SPTLC1: variants seen among roughly 807,000 people sequenced by gnomAD.
SPTLC1 encodes serine palmitoyltransferase long chain base subunit 1, also known as serine palmitoyltransferase 1.
A neutral mutation model predicts 68.9 loss-of-function variants in SPTLC1; 55 were observed. The ratio of observed to expected loss-of-function variants is 0.80; its 90% CI spans 0.64 to 1.00. The LOEUF is 1.00. Ranked by LOEUF, SPTLC1 falls within the 50% of genes least tolerant of loss-of-function variation. The probability of loss-of-function intolerance (pLI) is 0.00; values close to 1 mark genes in which losing one functional copy is unlikely to be tolerated. For synonymous variants in SPTLC1, 197 were observed against 201.6 expected (o/e 0.98, Z 0.19); for missense variants, 449 against 573.1 (o/e 0.78, Z 2.21).
intron 10 of SPTLC1, 48 bp from the exon 11 acceptor site, chr9:92,047,316 G>T: frequency 6.6e-7 from 1 of 1,515,436 alleles, no homozygotes; most frequent in South Asian, 1.1e-5. Flanking sequence ...GTCCTTTCTA[G>T]GTAAACATTT....
intron 3 of SPTLC1, among the ~76,000 whole-genome samples, chr9:92,097,825 T>C (rs1835585753): frequency 6.6e-6 from 1 of 152,236 alleles, no homozygotes; most frequent in African/African-American, 2.4e-5. Context: ...GTATATAGAT[T>C]ACGTATCAAT....
At chr9:92,049,244 G>A (rs1240147183) in intron 9 of SPTLC1, among the ~76,000 whole-genome samples, 1 of 152,196 alleles carries the variant, frequency 6.6e-6, no homozygotes, top group Admixed American at 6.5e-5. Context: ...CTGTAACACA[G>A]GTTGCACAGC....
chr9:92,039,762 G>A (rs1264197332), intron 12 of SPTLC1, among the ~76,000 whole-genome samples: 2 of 152,160 alleles, frequency 1.3e-5, no homozygotes, highest in Non-Finnish European at 2.9e-5. Flanking sequence ...ACTACTGTGT[G>A]TTACAATAAT....
chr9:92,110,707 A>G (rs1288545723), intron 2 of SPTLC1: 1 of 152,234 alleles, frequency 6.6e-6, no homozygotes, highest in African/African-American at 2.4e-5. Flanking sequence ...TATCATAAAT[A>G]CACTCATAAT....
chr9:92,033,146 C>G (rs1352314462), intron 14 of SPTLC1, among the ~76,000 whole-genome samples: 1 of 152,192 alleles, frequency 6.6e-6, no homozygotes, highest in Admixed American at 6.5e-5. Flanking sequence ...CAGTGCACAC[C>G]CAGTCAGAGT....
chr9:92,059,287 A>G lies in SPTLC1; in HGVS notation c.582T>C (p.Ala194=). The G allele has an allele frequency of 6.2e-7, 1 of 1,614,130 alleles. No individual in the cohort carries two copies. The highest frequency in any genetic ancestry group is 8.5e-7 in the Non-Finnish European group (1 of 1,180,008). The change falls in exon 7 of 15, where the codon GCT becomes GCC. Residue 194 remains alanine, a synonymous_variant. Coordinates refer to ENST00000262554, the MANE Select transcript of SPTLC1 (RefSeq NM_006415.4). ...GGGATGCCTGTAATCCTTTCTGAAT[A>G]GCAAAGCAGGCAGCTCTATCTCTGC... ...IVFVDRAACF[A]IQKGLQASRS... is the part of the protein sequence containing the mutation.
At chr9:92,073,766 C>T (rs1834579528) in intron 5 of SPTLC1, among the ~76,000 whole-genome samples, 1 of 152,214 alleles carries the variant, frequency 6.6e-6, no homozygotes, top group East Asian at 1.9e-4. Flanking sequence ...GGCTGCCAGG[C>T]GGCAGCGCGC....
At chr9:92,114,394 A>G (rs1248906363) in intron 1 of SPTLC1, among the ~76,000 whole-genome samples, 1 of 152,216 alleles carries the variant, frequency 6.6e-6, no homozygotes, top group African/African-American at 2.4e-5. Flanking sequence ...TTATTATCTT[A>G]TGTATCTGAA....
At chr9:92,086,367 G>A (rs1835131746) in intron 3 of SPTLC1, among the ~76,000 whole-genome samples, 2 of 152,216 alleles carry the variant, frequency 1.3e-5, no homozygotes, top group Non-Finnish European at 2.9e-5. Context: ...GCATGATTTT[G>A]CAGTGACTGG....
chr9:92,086,418 G>A (rs1835135534), intron 3 of SPTLC1, among the ~76,000 whole-genome samples: 1 of 152,200 alleles, frequency 6.6e-6, no homozygotes, highest in Non-Finnish European at 1.5e-5. Context: ...TCCTTCAGGA[G>A]CTCTTTTAGG....
At chr9:92,065,125 T>C (rs1834236947) in intron 6 of SPTLC1, among the ~76,000 whole-genome samples, 1 of 152,260 alleles carries the variant, frequency 6.6e-6, no homozygotes, top group Non-Finnish European at 1.5e-5. Context: ...TATTATTTCT[T>C]ACAAGTGCTT....
intron 8 of SPTLC1, among the ~76,000 whole-genome samples, chr9:92,055,035 G>C (rs531721435): frequency 2.0e-5 from 3 of 152,246 alleles, no homozygotes; most frequent in African/African-American, 7.2e-5. Flanking sequence ...GAACAGCCTG[G>C]GTAACGCAGT....
chr9:92,055,429 T>A lies in SPTLC1; in HGVS notation c.756A>T (p.Gly252=), dbSNP rs1435074767. 6.2e-7 allele frequency: 1 copy of A among 1,613,830 alleles called. No individual in the cohort carries two copies. ...IVVEGLYMNT[G]TICPLPELVK... ...CCAATTCTGGAAGAGGACAAATAGT[T>A]CCAGTATTCATATACAATCCTTCTA... Residue 252 remains glycine (G), a synonymous_variant, in exon 8 of 15, where the codon GGA becomes GGT. Transcript: ENST00000262554.
intron 3 of SPTLC1, among the ~76,000 whole-genome samples, chr9:92,094,346 T>A (rs1010975860): frequency 1.3e-5 from 2 of 152,258 alleles, no homozygotes; most frequent in Admixed American, 1.3e-4. Context: ...TTTCTTGTCA[T>A]GTGCAGCTTT....
chr9:92,038,253 C>G lies in SPTLC1; in HGVS notation c.1249G>C (p.Asp417His), dbSNP rs1465503234. The G allele has an allele frequency of 6.2e-7, 1 of 1,610,378 alleles. No individual in the cohort carries two copies. Among genetic ancestry groups the G allele is most frequent in the South Asian group, 1.1e-5 (1 of 91,010 alleles). The change falls in exon 13 of 15, where the codon GAT (aspartate) becomes CAT (histidine). Residue 417 changes from aspartate to histidine, a missense_variant. Asp to His is a moderately conservative substitution (Grantham distance 81). Transcript: ENST00000262554. ...TCAAGTCAACGGATACTTACTTGAT[C>G]TACAATTTCCTGAAGCAGTCTGACA... ...QDVRLLQEIV[D>H]QCMNRSIALT... is the part of the protein sequence containing the mutation.
chr9:92,038,123 T>C lies in SPTLC1; in HGVS notation c.1254+125A>G, dbSNP rs374901987. On this transcript the variant is annotated intron_variant, in intron 13 of 14. Coordinates refer to ENST00000262554, the MANE Select transcript of SPTLC1 (RefSeq NM_006415.4). ...CCATGTCAAGAGCGGGTCACCAGCA[T>C]CTTCCTTTCTACCCTCTTCTCTCTC... 62 of 782,178 alleles carry C rather than the reference T, an allele frequency of 7.9e-5. No homozygotes were observed. The East Asian group carries it at 1.3e-3, about 16-fold the overall frequency. The allele number at this position is 782,178 out of a possible 1,614,324, so 48.5% of individuals were successfully genotyped here.
At chr9:92,050,811 A>ATTTTTTTTTCTT (rs1833681136) in intron 8 of SPTLC1, 2 of 104,978 alleles carry the variant, frequency 1.9e-5, no homozygotes, top group Non-Finnish European at 3.4e-5. Flanking sequence ...CACAATACTG[A>ATTTTTTTTTCTT]TTTTTTTTTT....
intron 6 of SPTLC1, among the ~76,000 whole-genome samples, chr9:92,067,158 G>A (rs1452570879): frequency 6.6e-6 from 1 of 152,006 alleles, no homozygotes; most frequent in East Asian, 1.9e-4. Context: ...AATTAGCCAG[G>A]CATGGTGGCG....
At chr9:92,094,766 T>A (rs954038712) in intron 3 of SPTLC1, among the ~76,000 whole-genome samples, 18 of 152,220 alleles carry the variant, frequency 1.2e-4, no homozygotes, top group African/African-American at 4.3e-4. Flanking sequence ...AAGCCTTTTG[T>A]CATCCTCTGC....
Sources: allele counts gnomAD v4.1 joint callset (sites outside exome capture counted in the v4.1 genomes callset), GRCh38; gene constraint gnomAD v4.1.1; transcripts MANE v1.5; gene names NCBI Gene and HGNC (gene_info 2026-07-23, HGNC 2026-07-21).